RGS6: variants seen among roughly 807,000 people sequenced by gnomAD.
RGS6 encodes regulator of G protein signaling 6, also known as regulator of G-protein signaling 6.
A neutral mutation model predicts 78.5 loss-of-function variants in RGS6; 30 were observed. The ratio of observed to expected loss-of-function variants is 0.38; its 90% CI spans 0.29 to 0.52. The LOEUF (loss-of-function observed/expected upper bound fraction) is 0.52. Ranked by LOEUF, RGS6 falls within the 20% of genes least tolerant of loss-of-function variation. RGS6 has a pLI of 0.85. For missense variants in RGS6, 495 were observed against 609.7 expected, an observed-to-expected ratio of 0.81 and a Z score of 1.98; for synonymous variants, 206 against 206.0, an observed-to-expected ratio of 1.00 and a Z score of 0.00.
intron 2 of RGS6, among the ~76,000 whole-genome samples, chr14:72,002,862 G>T (rs767832104): frequency 1.7e-4 from 26 of 152,150 alleles, no homozygotes; most frequent in Non-Finnish European, 2.5e-4. Context: ...TTTTCTGTAT[G>T]TGTGAGCTTA....
intron 2 of RGS6, among the ~76,000 whole-genome samples, chr14:72,034,184 TGG>T (rs1232553132): frequency 6.6e-6 from 1 of 152,146 alleles, no homozygotes; most frequent in East Asian, 1.9e-4. Flanking sequence ...CCTAATTGCT[TGG>T]GTTAGGACTT....
chr14:72,303,288 G>A (rs552799046), intron 2 of RGS6, among the ~76,000 whole-genome samples: 18 of 152,268 alleles, frequency 1.2e-4, no homozygotes, highest in South Asian at 4.1e-4. Context: ...GTCACCTGAG[G>A]TCAGGAGTTC....
chr14:72,432,873 C>A (rs2094712793), intron 3 of RGS6, among the ~76,000 whole-genome samples: 1 of 152,198 alleles, frequency 6.6e-6, no homozygotes, highest in African/African-American at 2.4e-5. Context: ...ATTCTACAAT[C>A]ACAGCCAAAT....
chr14:72,224,212 A>G (rs2047551856), intron 2 of RGS6, among the ~76,000 whole-genome samples: 1 of 152,188 alleles, frequency 6.6e-6, no homozygotes, highest in Admixed American at 6.5e-5. Context: ...TGAGCTCAGG[A>G]GTTCAAAACC....
At chr14:72,076,625 C>G (rs2094583656) in intron 2 of RGS6, among the ~76,000 whole-genome samples, 1 of 152,070 alleles carries the variant, frequency 6.6e-6, no homozygotes, top group Non-Finnish European at 1.5e-5. Flanking sequence ...ACCTCCTGGG[C>G]TCAAGCAATC....
At chr14:72,239,491 G>C (rs987720704) in intron 2 of RGS6, among the ~76,000 whole-genome samples, 3 of 152,206 alleles carry the variant, frequency 2.0e-5, no homozygotes, top group Non-Finnish European at 2.9e-5. Flanking sequence ...TAGAGAGGCA[G>C]TGTGATAATT....
At chr14:72,540,677 C>T in intron 17 of RGS6, 3 of 1,381,094 alleles carry the variant, frequency 2.2e-6, no homozygotes, top group African/African-American at 1.4e-5. Flanking sequence ...CCCTTCCAGC[C>T]CCCATCAGCC....
intron 15 of RGS6, among the ~76,000 whole-genome samples, chr14:72,520,238 T>C (rs2097017089): frequency 6.6e-6 from 1 of 152,248 alleles, no homozygotes; most frequent in Admixed American, 6.5e-5. Context: ...GCAATTTATT[T>C]GATGAAGGAT....
chr14:72,140,354 G>A (rs2153611224), intron 2 of RGS6, among the ~76,000 whole-genome samples: 1 of 152,238 alleles, frequency 6.6e-6, no homozygotes, highest in East Asian at 1.9e-4. Context: ...TTAATTAGTG[G>A]TTTCTCACCA....
At chr14:72,378,980 C>T (rs897164421) in intron 3 of RGS6, among the ~76,000 whole-genome samples, 7 of 152,104 alleles carry the variant, frequency 4.6e-5, no homozygotes, top group African/African-American at 1.7e-4. Flanking sequence ...AAAGATAATA[C>T]ACCATGATCA....
At chr14:72,110,326 T>A (rs1332483281) in intron 2 of RGS6, among the ~76,000 whole-genome samples, 2 of 152,192 alleles carry the variant, frequency 1.3e-5, no homozygotes, top group Non-Finnish European at 2.9e-5. Context: ...AACAGACACT[T>A]TCTTCTTTTA....
chr14:72,113,668 G>T (rs1340097045), intron 2 of RGS6, among the ~76,000 whole-genome samples: 1 of 152,218 alleles, frequency 6.6e-6, no homozygotes, highest in Non-Finnish European at 1.5e-5. Flanking sequence ...CTCTGCTGCA[G>T]GTGGTGGCTG....
At chr14:72,195,174 C>T (rs962613390) in intron 2 of RGS6, among the ~76,000 whole-genome samples, 4 of 151,812 alleles carry the variant, frequency 2.6e-5, no homozygotes, top group African/African-American at 9.7e-5. Flanking sequence ...CACCACTGCA[C>T]TCCGGCCTGG....
At chr14:72,017,943 G>A (rs1166141380) in intron 2 of RGS6, among the ~76,000 whole-genome samples, 1 of 152,048 alleles carries the variant, frequency 6.6e-6, no homozygotes, top group African/African-American at 2.4e-5. Context: ...ACACCTCACA[G>A]GCCCCAGTAT....
intron 2 of RGS6, among the ~76,000 whole-genome samples, chr14:72,264,615 C>T (rs2058727114): frequency 6.6e-6 from 1 of 152,208 alleles, no homozygotes; most frequent in Non-Finnish European, 1.5e-5. Context: ...AAGGATTTTC[C>T]AAGTCTTTTG....
At chr14:71,981,511 A>C (rs1263188643) in intron 2 of RGS6, among the ~76,000 whole-genome samples, 1 of 151,128 alleles carries the variant, frequency 6.6e-6, no homozygotes, top group Admixed American at 6.6e-5. Flanking sequence ...CTGTTGGAAT[A>C]CCCGGCCGTG....
chr14:72,105,239 G>A (rs1474720025), intron 2 of RGS6, among the ~76,000 whole-genome samples: 1 of 152,174 alleles, frequency 6.6e-6, no homozygotes, highest in African/African-American at 2.4e-5. Flanking sequence ...GCCTGATGTG[G>A]TTTTGCCTCT....
intron 1 of RGS6, among the ~76,000 whole-genome samples, chr14:71,943,557 G>A (rs1248111605): frequency 3.3e-5 from 5 of 152,138 alleles, no homozygotes; most frequent in Admixed American, 2.0e-4. Context: ...ATTTGAGGAG[G>A]CTTGTAGAAA....
intron 9 of RGS6, 75 bp downstream of exon 9, chr14:72,473,028 G>A (rs1027256673): frequency 3.4e-5 from 34 of 1,004,778 alleles, no homozygotes; most frequent in Non-Finnish European, 4.6e-5. Flanking sequence ...AGAAAAGACC[G>A]TCTTTAGCCA....
Sources: allele counts gnomAD v4.1 joint callset (sites outside exome capture counted in the v4.1 genomes callset), GRCh38; gene constraint gnomAD v4.1.1; transcripts MANE v1.5; gene names NCBI Gene and HGNC (gene_info 2026-07-23, HGNC 2026-07-21).